The following SAMD12 variants were observed in gnomAD, a reference collection of about 807,000 sequenced individuals.
SAMD12 encodes sterile alpha motif domain containing 12.
A neutral mutation model predicts 15.0 loss-of-function variants in SAMD12; 9 were observed. The ratio of observed to expected loss-of-function variants is 0.60; its 90% CI spans 0.36 to 1.05. SAMD12 has a LOEUF of 1.05. Ranked by LOEUF, SAMD12 falls within the 50% of genes least tolerant of loss-of-function variation. SAMD12 has a pLI of 0.01. For synonymous variants in SAMD12, 86 were observed against 90.1 expected (o/e 0.96, Z 0.25); for missense variants, 230 against 234.2 (o/e 0.98, Z 0.12).
chr8:118,174,964 C>T, the SAMD12 span, among the ~76,000 whole-genome samples: 3 of 148,090 alleles, frequency 2.0e-5, no homozygotes, highest in Non-Finnish European at 4.4e-5. Flanking sequence ...TTCCAAAGAA[C>T]AGGATCTTTA....
chr8:118,209,865 C>T (rs895097818), intron 4 of SAMD12, among the ~76,000 whole-genome samples: 1 of 152,172 alleles, frequency 6.6e-6, no homozygotes, highest in African/African-American at 2.4e-5. Flanking sequence ...TATTCACAAA[C>T]ACACACCTGT....
chr8:118,312,746 T>C (rs962865478), intron 4 of SAMD12, among the ~76,000 whole-genome samples: 1 of 152,126 alleles, frequency 6.6e-6, no homozygotes, highest in African/African-American at 2.4e-5. Flanking sequence ...AAGTGTGCAA[T>C]TGAGGAAATT....
intron 2 of SAMD12, among the ~76,000 whole-genome samples, chr8:118,533,591 C>T (rs554378704): frequency 6.6e-6 from 1 of 152,226 alleles, no homozygotes; most frequent in South Asian, 2.1e-4. Context: ...CTTTGTAGGT[C>T]TCTAAGGACT....
chr8:118,469,176 C>A (rs992432553), intron 2 of SAMD12, among the ~76,000 whole-genome samples: 1 of 151,864 alleles, frequency 6.6e-6, no homozygotes, highest in East Asian at 1.9e-4. Context: ...TGCCCCTTAG[C>A]CTTTACTACC....
At chr8:118,489,714 T>C (rs1277991459) in intron 2 of SAMD12, among the ~76,000 whole-genome samples, 1 of 152,232 alleles carries the variant, frequency 6.6e-6, no homozygotes, top group Non-Finnish European at 1.5e-5. Context: ...TAAAAACTAA[T>C]TTAAAACATT....
chr8:118,580,840 C>A lies in SAMD12; in HGVS notation c.67G>T (p.Gly23Cys), dbSNP rs766642702. The A allele has an allele frequency of 6.2e-7, 1 of 1,613,046 alleles. No homozygotes were observed. Among genetic ancestry groups the A allele is most frequent in the Non-Finnish European group, 8.5e-7 (1 of 1,179,388 alleles). ...TCACCTTCAATTTGCAGTTTAATACCTTCAGCATGGGCAGGGTGATCAATA... is the reference window on the plus strand; with the variant it reads ...TCACCTTCAATTTGCAGTTTAATACATTCAGCATGGGCAGGGTGATCAATA... ...RGIDHPAHAE[G>C]IKLQIEGEGV... is the part of the protein sequence containing the mutation. Residue 23 changes from glycine (G) to cysteine (C), a missense_variant, in exon 2 of 4, where the codon GGT becomes TGT. Coordinates refer to ENST00000314727, the MANE Select transcript of SAMD12 (RefSeq NM_207506.3).
chr8:118,386,438 A>T (rs760828544), intron 3 of SAMD12, among the ~76,000 whole-genome samples: 5 of 152,140 alleles, frequency 3.3e-5, no homozygotes, highest in Admixed American at 6.6e-5. Flanking sequence ...ACAACCTGAG[A>T]TAATCTTCCC....
intron 4 of SAMD12, among the ~76,000 whole-genome samples, chr8:118,250,189 C>T (rs1182254487): frequency 6.6e-6 from 1 of 152,086 alleles, no homozygotes. Flanking sequence ...ATTACCAGAT[C>T]CCTGGTATGT....
At chr8:118,253,347 TA>T (rs1314115160) in intron 4 of SAMD12, among the ~76,000 whole-genome samples, 4 of 152,306 alleles carry the variant, frequency 2.6e-5, no homozygotes, top group East Asian at 3.9e-4. Flanking sequence ...AAAATGGGAA[TA>T]GGGGCAATAC....
At chr8:118,345,599 A>T (rs1011590553) in intron 4 of SAMD12, among the ~76,000 whole-genome samples, 5 of 152,256 alleles carry the variant, frequency 3.3e-5, no homozygotes, top group Non-Finnish European at 7.3e-5. Flanking sequence ...GATGCAGCAT[A>T]AGCGTGGGGT....
the SAMD12 span, among the ~76,000 whole-genome samples, chr8:118,154,681 C>T: frequency 5.9e-4 from 90 of 152,188 alleles, no homozygotes; most frequent in Non-Finnish European, 9.9e-4. Flanking sequence ...TCTATATAGC[C>T]GTAAGAGGCA....
chr8:118,621,597 A>T (rs1008012023), intron 1 of SAMD12: 10 of 616,388 alleles, frequency 1.6e-5, no homozygotes, highest in Middle Eastern at 4.4e-4. Context: ...CTACGCACCT[A>T]CCCTTCACGT....
the SAMD12 span, among the ~76,000 whole-genome samples, chr8:118,142,935 A>G: frequency 6.6e-6 from 1 of 152,216 alleles, no homozygotes; most frequent in Non-Finnish European, 1.5e-5. Context: ...AATGAATAAT[A>G]ATAATAGTGA....
intron 2 of SAMD12, among the ~76,000 whole-genome samples, chr8:118,522,213 C>A (rs1378427959): frequency 4.6e-3 from 268 of 57,900 alleles, no homozygotes; most frequent in African/African-American, 0.014. Context: ...CACACACACA[C>A]ACGATAAAAA....
chr8:118,491,090 G>A (rs116139859), intron 2 of SAMD12, among the ~76,000 whole-genome samples: 6,390 of 152,186 alleles, frequency 0.042, 424 homozygotes, highest in African/African-American at 0.14. Flanking sequence ...CCAGACTGGT[G>A]CCTGTCCACC....
chr8:118,336,962 G>A (rs537464220), intron 4 of SAMD12, among the ~76,000 whole-genome samples: 1 of 152,300 alleles, frequency 6.6e-6, no homozygotes, highest in South Asian at 2.1e-4. Flanking sequence ...ATTGAACAAT[G>A]AGAGCACTTG....
At chr8:118,189,960 A>AG (rs2129721563) in exon 5 of SAMD12, 1 of 151,542 alleles carries the variant, frequency 6.6e-6, no homozygotes, top group East Asian at 1.9e-4. Flanking sequence ...AAAAAAAAAA[A>AG]AAAAAAAAAG....
At chr8:118,141,242 T>C in the SAMD12 span, among the ~76,000 whole-genome samples, 2 of 152,208 alleles carry the variant, frequency 1.3e-5, no homozygotes, top group African/African-American at 4.8e-5. Flanking sequence ...CTTTGTTCAA[T>C]GTAACAGAAG....
chr8:118,422,976 C>T (rs1822065427), intron 3 of SAMD12, among the ~76,000 whole-genome samples: 1 of 152,062 alleles, frequency 6.6e-6, no homozygotes, highest in African/African-American at 2.4e-5. Flanking sequence ...TTTTCCTCGA[C>T]CAGCCTGGGC....
Sources: allele counts gnomAD v4.1 joint callset (sites outside exome capture counted in the v4.1 genomes callset), GRCh38; gene constraint gnomAD v4.1.1; transcripts MANE v1.5; gene names NCBI Gene and HGNC (gene_info 2026-07-23, HGNC 2026-07-21).